Variants in SPECC1 observed in about 807,000 individuals in gnomAD.
SPECC1 encodes sperm antigen with calponin homology and coiled-coil domains 1.
A neutral mutation model predicts 104.1 loss-of-function variants in SPECC1; 62 were observed. That is an observed-to-expected ratio of 0.60 (90% CI 0.49 to 0.74). The LOEUF is 0.74. Among genes scored for constraint, SPECC1 ranks in the 30% least tolerant of loss-of-function variants. The pLI, the probability that SPECC1 is intolerant of heterozygous loss-of-function variation, is 0.00. For synonymous variants in SPECC1, 513 were observed against 501.6 expected, an observed-to-expected ratio of 1.02 and a Z score of -0.30; for missense variants, 1,306 against 1,310.5, an observed-to-expected ratio of 1.00 and a Z score of 0.05.
At chr17:20,235,395 C>G (rs1598053003) in intron 7 of SPECC1, among the ~76,000 whole-genome samples, 1 of 152,190 alleles carries the variant, frequency 6.6e-6, no homozygotes, top group African/African-American at 2.4e-5. Context: ...TGGCTCCTCC[C>G]AGTTTTGAAA....
intron 2 of SPECC1, among the ~76,000 whole-genome samples, chr17:20,098,042 C>T (rs931454121): frequency 6.6e-6 from 1 of 152,176 alleles, no homozygotes. Flanking sequence ...ATTCTCATGG[C>T]TTTTAACACT....
At chr17:20,116,925 G>T (rs1389363941) in intron 3 of SPECC1, among the ~76,000 whole-genome samples, 2 of 149,960 alleles carry the variant, frequency 1.3e-5, no homozygotes, top group African/African-American at 4.9e-5. Context: ...TCCCTGCAGT[G>T]GAGAGTGTCC....
chr17:20,161,583 T>C (rs1355087354), intron 3 of SPECC1, among the ~76,000 whole-genome samples: 1 of 152,144 alleles, frequency 6.6e-6, no homozygotes, highest in Non-Finnish European at 1.5e-5. Flanking sequence ...GCATCTTACA[T>C]TGCATAACGC....
intron 13 of SPECC1, 90 bp from the exon 14 acceptor site, chr17:20,305,933 T>A: frequency 8.8e-7 from 1 of 1,133,414 alleles, no homozygotes; most frequent in Non-Finnish European, 1.3e-6. Flanking sequence ...TAGTGAATAA[T>A]CTATATGGGA....
At chr17:20,182,474 A>C (rs1207811610) in intron 3 of SPECC1, among the ~76,000 whole-genome samples, 1 of 152,184 alleles carries the variant, frequency 6.6e-6, no homozygotes, top group African/African-American at 2.4e-5. Context: ...CGGTTTAAAA[A>C]AAGATAGACA....
intron 3 of SPECC1, among the ~76,000 whole-genome samples, chr17:20,122,439 A>G (rs550127003): frequency 6.6e-6 from 1 of 152,264 alleles, no homozygotes; most frequent in South Asian, 2.1e-4. Context: ...GTCTGGATAT[A>G]TTCTGAAGGG....
At chr17:20,210,564 C>T (rs181729312) in intron 4 of SPECC1, among the ~76,000 whole-genome samples, 1 of 152,206 alleles carries the variant, frequency 6.6e-6, no homozygotes, top group Non-Finnish European at 1.5e-5. Flanking sequence ...CACAGTGCCC[C>T]CAGGCCACCT....
intron 1 of SPECC1, among the ~76,000 whole-genome samples, chr17:20,051,577 C>CT (rs1476857693): frequency 6.6e-6 from 1 of 152,096 alleles, no homozygotes; most frequent in Non-Finnish European, 1.5e-5. Context: ...TGTTTTAGGG[C>CT]TTTTTCTTCC....
At chr17:20,261,501 CA>C (rs75833770) in intron 12 of SPECC1, among the ~76,000 whole-genome samples, 2,892 of 54,756 alleles carry the variant, frequency 0.053, 42 homozygotes, top group East Asian at 0.15. Flanking sequence ...GACTCCGTCT[CA>C]AAAAAAAAAA....
intron 1 of SPECC1, among the ~76,000 whole-genome samples, chr17:20,091,044 C>T (rs903112572): frequency 3.3e-5 from 5 of 152,126 alleles, no homozygotes; most frequent in South Asian, 2.1e-4. Context: ...GTGTGGTTAG[C>T]GATGTACAAA....
At chr17:20,185,548 C>T (rs1298375461) in intron 3 of SPECC1, among the ~76,000 whole-genome samples, 3 of 152,204 alleles carry the variant, frequency 2.0e-5, no homozygotes, top group Non-Finnish European at 4.4e-5. Flanking sequence ...AATGGCCTAG[C>T]CAAGCTCTTC....
chr17:20,105,766 G>A (rs2048170550), intron 2 of SPECC1, among the ~76,000 whole-genome samples: 1 of 152,196 alleles, frequency 6.6e-6, no homozygotes, highest in Non-Finnish European at 1.5e-5. Flanking sequence ...CTGCTGTCTT[G>A]TGTTGCCTCC....
At chr17:20,263,714 C>T (rs942131963) in intron 12 of SPECC1, among the ~76,000 whole-genome samples, 1 of 152,152 alleles carries the variant, frequency 6.6e-6, no homozygotes, top group Non-Finnish European at 1.5e-5. Flanking sequence ...TGCTGTTCCC[C>T]ACCTGACAGT....
At chr17:20,268,671 GT>G (rs752212254) in intron 12 of SPECC1, among the ~76,000 whole-genome samples, 2 of 152,120 alleles carry the variant, frequency 1.3e-5, no homozygotes, top group Non-Finnish European at 2.9e-5. Context: ...CTTCTGTACC[GT>G]TTCTGACACA....
intron 12 of SPECC1, among the ~76,000 whole-genome samples, chr17:20,287,139 C>T (rs535112957): frequency 1.1e-4 from 16 of 152,244 alleles, no homozygotes; most frequent in African/African-American, 3.1e-4. Flanking sequence ...TGGCTTTGGC[C>T]GGGCGCGGGT....
intron 1 of SPECC1, among the ~76,000 whole-genome samples, chr17:20,048,953 T>C (rs984983564): frequency 6.6e-6 from 1 of 152,058 alleles, no homozygotes; most frequent in Non-Finnish European, 1.5e-5. Flanking sequence ...TGAAAAATAA[T>C]ATATTACAGT....
rs1034797906 is a variant in SPECC1, at chr17:20,312,298, G to A, written c.3118-1678G>A. The stretch of plus-strand genomic sequence containing the variant: ...AACAAATGTCATGCACTATAAGATT[G>A]TTACTAATGCAGCATACTCTGTCTT... On this transcript the variant is annotated intron_variant, in intron 14 of 14. Transcript: ENST00000395527. Among the ~76,000 whole-genome samples the A allele has an allele frequency of 2.6e-5, 4 of 152,308 alleles. No homozygotes were observed. The South Asian group carries it at 8.3e-4, about 32-fold the overall frequency.
intron 14 of SPECC1, among the ~76,000 whole-genome samples, chr17:20,311,091 C>T (rs2041916613): frequency 7.6e-6 from 1 of 130,814 alleles, no homozygotes; most frequent in African/African-American, 3.2e-5. Context: ...TAGATTTAGA[C>T]CTTAGTGGGG....
intron 3 of SPECC1, among the ~76,000 whole-genome samples, chr17:20,143,441 T>C (rs1198864737): frequency 2.0e-5 from 3 of 151,938 alleles, no homozygotes; most frequent in Admixed American, 6.6e-5. Flanking sequence ...CCCAGCACTT[T>C]GGCAGGCCGA....
Sources: allele counts gnomAD v4.1 joint callset (sites outside exome capture counted in the v4.1 genomes callset), GRCh38; gene constraint gnomAD v4.1.1; transcripts MANE v1.5; gene names NCBI Gene and HGNC (gene_info 2026-07-23, HGNC 2026-07-21).